Variants in ABL2 observed in about 807,000 individuals in gnomAD.
The protein encoded by ABL2 is tyrosine-protein kinase ABL2.
ABL2 carries 49 observed loss-of-function variants against 107.7 expected under a neutral mutation model. The observed-to-expected ratio is 0.45, with a 90% CI of 0.36 to 0.58. ABL2 has a LOEUF of 0.58. Ranked by LOEUF, ABL2 falls within the 20% of genes least tolerant of loss-of-function variation. ABL2 has a pLI of 0.00. For synonymous variants in ABL2, 549 were observed against 548.6 expected, an observed-to-expected ratio of 1.00 and a Z score of -0.01; for missense variants, 1,245 against 1,457.0, an observed-to-expected ratio of 0.85 and a Z score of 2.37.
At position 179,103,875 on chromosome 1, in the gene ABL2, C is replaced by G. The variant is rs1442527287; in HGVS notation, c.*3843G>C. Reference sequence around the variant, plus strand: ...TGAGACAATAGGCAAGTAATTTAACCATCTTCTGCTAGTTTCTTAATCTAT... The same window carrying G: ...TGAGACAATAGGCAAGTAATTTAACGATCTTCTGCTAGTTTCTTAATCTAT... On this transcript the variant is annotated 3_prime_UTR_variant, in exon 12 of 12. Transcript: ENST00000502732. 1 of 231,370 alleles carries G rather than the reference C, an allele frequency of 4.3e-6. No homozygotes were observed. The highest frequency in any genetic ancestry group is 8.6e-6 in the Non-Finnish European group (1 of 116,676). The allele number at this position is 231,370 out of a possible 1,614,324, so 14.3% of individuals were successfully genotyped here. A position where few individuals can be genotyped will look rare whatever the true frequency, so the allele number is the denominator to read the frequency against.
intron 1 of ABL2, among the ~76,000 whole-genome samples, chr1:179,197,402 C>T (rs981286695): frequency 6.6e-6 from 1 of 151,906 alleles, no homozygotes; most frequent in East Asian, 1.9e-4. Context: ...AAATCAAATA[C>T]TCTTCAAGGC....
chr1:179,217,368 G>A (rs1368718699), intron 1 of ABL2, among the ~76,000 whole-genome samples: 1 of 151,164 alleles, frequency 6.6e-6, no homozygotes, highest in African/African-American at 2.4e-5. Flanking sequence ...GCTCACACCT[G>A]TAATCCCAGC....
At chr1:179,189,296 C>T (rs570284056) in intron 1 of ABL2, among the ~76,000 whole-genome samples, 3 of 151,870 alleles carry the variant, frequency 2.0e-5, no homozygotes, top group South Asian at 2.1e-4. Context: ...CCACCACAGC[C>T]GGCTATTTTG....
Position 179,109,264 on chromosome 1 carries a change from C to A in ABL2, c.2003G>T (p.Arg668Leu), listed in dbSNP as rs1367567317. ...KKRNAPTPPK[R>L]SSSFREMENQ... ...CTCCATTTCTCGGAAGGAGCTGCTG[C>A]GTTTGGGGGGTGTAGGAGCATTTCT... is the stretch of plus-strand genomic sequence containing the variant. The change falls in exon 12 of 12, where the codon CGC (arginine) becomes CTC (leucine). Residue 668 changes from arginine (R) to leucine (L), a missense_variant. By Grantham distance (102) the Arg-to-Leu change is moderately radical. This residue lies in a region of ABL2 where 761 missense variants were observed against 766.4 expected (regional missense o/e 0.99). Transcript: ENST00000502732. 1.2e-6 allele frequency: 2 copies of A among 1,614,038 alleles called. No homozygotes were observed. The highest frequency in any genetic ancestry group is 1.7e-6 in the Non-Finnish European group (2 of 1,180,010).
intron 1 of ABL2, among the ~76,000 whole-genome samples, chr1:179,199,828 G>C (rs113159388): frequency 6.8e-6 from 1 of 147,404 alleles, no homozygotes. Context: ...GAACTCCTGC[G>C]CTCAAGCAAT....
chr1:179,173,114 C>T (rs536257564), intron 1 of ABL2, among the ~76,000 whole-genome samples: 3 of 149,092 alleles, frequency 2.0e-5, no homozygotes, highest in East Asian at 4.2e-4. Context: ...CGCTGGAAGC[C>T]GGGAGGTGGA....
At chr1:179,140,170 T>C (rs925131843) in intron 1 of ABL2, among the ~76,000 whole-genome samples, 8 of 152,236 alleles carry the variant, frequency 5.3e-5, no homozygotes, top group East Asian at 1.9e-4. Context: ...TCCTTCACAA[T>C]TGGTCTTGCC....
intron 1 of ABL2, among the ~76,000 whole-genome samples, chr1:179,190,950 T>C (rs1660974866): frequency 6.6e-6 from 1 of 152,142 alleles, no homozygotes; most frequent in Admixed American, 6.5e-5. Flanking sequence ...CTAGGCCTGG[T>C]AATGGAGTTG....
chr1:179,130,395 T>C (rs1656175395), intron 3 of ABL2, among the ~76,000 whole-genome samples: 1 of 152,236 alleles, frequency 6.6e-6, no homozygotes. Flanking sequence ...GTAAACCAAC[T>C]ATATCACTAA....
rs1653483725 is a variant in ABL2 at position 179,106,561 on chromosome 1, TAG to T, written c.*1155_*1156del. 4.3e-6 allele frequency: 1 copy of T among 232,840 alleles called. No individual in the cohort carries two copies. The highest frequency in any genetic ancestry group is 1.8e-4 in the South Asian group (1 of 5,532). The allele number at this position is 232,840 out of a possible 1,614,324, so 14.4% of individuals were successfully genotyped here. The stretch of plus-strand genomic sequence containing the variant: ...GTGGGGGTGATTCACTTCAAATCCA[TAG>T]AGAGGAGAATGCCTCTCCCTATTCT... On this transcript the variant is annotated 3_prime_UTR_variant, in exon 12 of 12. Transcript: ENST00000502732.
chr1:179,193,701 T>A (rs111752210), intron 1 of ABL2, among the ~76,000 whole-genome samples: 1 of 152,042 alleles, frequency 6.6e-6, no homozygotes, highest in East Asian at 1.9e-4. Flanking sequence ...CCACCGTGCC[T>A]GGCCTAATTT....
At chr1:179,217,857 T>A (rs1185449089) in intron 1 of ABL2, among the ~76,000 whole-genome samples, 1 of 152,132 alleles carries the variant, frequency 6.6e-6, no homozygotes, top group Non-Finnish European at 1.5e-5. Context: ...AAAAAATACC[T>A]AAAAATCTTT....
chr1:179,132,642 T>A (rs1225693652), intron 2 of ABL2, among the ~76,000 whole-genome samples: 2 of 150,166 alleles, frequency 1.3e-5, no homozygotes, highest in African/African-American at 4.9e-5. Context: ...AGTTCAAGCG[T>A]GATTCTCCTG....
intron 3 of ABL2, among the ~76,000 whole-genome samples, chr1:179,130,723 A>ATTTT (rs1006826497): frequency 9.6e-5 from 11 of 114,568 alleles, no homozygotes; most frequent in African/African-American, 4.1e-4. Context: ...ATCATTATTG[A>ATTTT]TTTTGTGTGT....
At chr1:179,184,554 T>A in intron 1 of ABL2, 1 of 569,892 alleles carries the variant, frequency 1.8e-6, no homozygotes, top group Non-Finnish European at 3.2e-6. Context: ...CTGATATGGA[T>A]GAAGAAGGAG....
At chr1:179,202,101 AAAAT>A (rs1026628715) in intron 1 of ABL2, among the ~76,000 whole-genome samples, 8 of 152,192 alleles carry the variant, frequency 5.3e-5, no homozygotes, top group Non-Finnish European at 1.0e-4. Flanking sequence ...GTAAAAAAAA[AAAAT>A]AATCTCAGCA....
chr1:179,220,658 G>C (rs1427369350), intron 1 of ABL2, among the ~76,000 whole-genome samples: 5 of 152,182 alleles, frequency 3.3e-5, no homozygotes, highest in African/African-American at 1.2e-4. Flanking sequence ...AAATTCTACA[G>C]GTATGTGTTT....
intron 1 of ABL2, among the ~76,000 whole-genome samples, chr1:179,223,963 A>AC (rs1033992735): frequency 8.6e-6 from 1 of 116,764 alleles, no homozygotes; most frequent in African/African-American, 2.8e-5. Context: ...CTCTGTCTCT[A>AC]CAAAAAAAAA....
chr1:179,128,444 T>C (rs1655957354), intron 3 of ABL2, among the ~76,000 whole-genome samples: 1 of 152,194 alleles, frequency 6.6e-6, no homozygotes, highest in African/African-American at 2.4e-5. Context: ...ATTAGTACTT[T>C]GTATATATAT....
Sources: allele counts gnomAD v4.1 joint callset (sites outside exome capture counted in the v4.1 genomes callset), GRCh38; gene constraint gnomAD v4.1.1; regional missense constraint gnomAD v4.1.1; transcripts MANE v1.5; gene names NCBI Gene and HGNC (gene_info 2026-07-23, HGNC 2026-07-21).